Variants in COL12A1 observed in about 807,000 individuals in gnomAD.
COL12A1 encodes collagen type XII alpha 1 chain, also known as collagen alpha-1(XII) chain.
Under a neutral mutation model 349.7 loss-of-function variants are expected in COL12A1, and 114 were observed. The ratio of observed to expected loss-of-function variants is 0.33; its 90% CI spans 0.28 to 0.38. COL12A1 has a LOEUF of 0.38. Ranked by LOEUF, COL12A1 falls within the 10% of genes least tolerant of loss-of-function variation. The pLI is 1.00. For synonymous variants in COL12A1, 1,369 were observed against 1,329.0 expected (o/e 1.03, Z -0.66); for missense variants, 3,284 against 3,756.9 (o/e 0.87, Z 3.29).
intron 37 of COL12A1, among the ~76,000 whole-genome samples, chr6:75,128,729 T>C (rs1383717583): frequency 6.6e-6 from 1 of 152,208 alleles, no homozygotes; most frequent in East Asian, 1.9e-4. Context: ...AACACCTTAC[T>C]GAGTATTCCA....
At chr6:75,097,348 A>T in intron 58 of COL12A1, 42 bp from the exon 59 acceptor site, 5 of 1,544,984 alleles carry the variant, frequency 3.2e-6, no homozygotes, top group Non-Finnish European at 4.5e-6. Flanking sequence ...GGAGGTCATA[A>T]GCAAGTGAAA....
At chr6:75,120,471 G>T (rs563469853) in intron 44 of COL12A1, among the ~76,000 whole-genome samples, 1 of 152,130 alleles carries the variant, frequency 6.6e-6, no homozygotes, top group Non-Finnish European at 1.5e-5. Flanking sequence ...GAAAAGGAGA[G>T]AATTGTTTTT....
intron 23 of COL12A1, 120 bp downstream of exon 23, chr6:75,147,555 G>T: frequency 3.0e-6 from 3 of 1,014,072 alleles, no homozygotes; most frequent in Non-Finnish European, 4.3e-6. Context: ...ATGACACTCA[G>T]TAAATATTTA....
chr6:75,128,456 A>C, intron 37 of COL12A1, 31 bp from the exon 38 acceptor site: 1 of 1,522,040 alleles, frequency 6.6e-7, no homozygotes, highest in Non-Finnish European at 8.8e-7. Flanking sequence ...TAAATATATT[A>C]CCATCTAGAA....
chr6:75,096,874 C>G (rs1484653905), intron 59 of COL12A1, among the ~76,000 whole-genome samples: 1 of 117,066 alleles, frequency 8.5e-6, no homozygotes, highest in South Asian at 2.9e-4. Flanking sequence ...CCAGCCTGGG[C>G]GACAGAGCGA....
chr6:75,120,054 G>C (rs1769278638), intron 44 of COL12A1, among the ~76,000 whole-genome samples: 1 of 152,020 alleles, frequency 6.6e-6, no homozygotes, highest in Admixed American at 6.6e-5. Context: ...AGTAAAATGA[G>C]GATAACTATA....
At chr6:75,126,535 T>C in intron 38 of COL12A1, 65 bp from the exon 39 acceptor site, 1 of 1,522,612 alleles carries the variant, frequency 6.6e-7, no homozygotes, top group Non-Finnish European at 8.9e-7. Flanking sequence ...CACAAAACTT[T>C]AAAAGTATCG....
At chr6:75,091,293 T>C (rs192087820) in intron 62 of COL12A1, 30 bp downstream of exon 62, 17 of 1,585,390 alleles carry the variant, frequency 1.1e-5, no homozygotes, top group Non-Finnish European at 1.4e-5. Context: ...TTTAAAACAA[T>C]TCATACAGTA....
At chr6:75,166,186 C>A (rs998706084) in intron 13 of COL12A1, among the ~76,000 whole-genome samples, 11 of 152,256 alleles carry the variant, frequency 7.2e-5, no homozygotes, top group Admixed American at 5.2e-4. Flanking sequence ...TATTTCCTTA[C>A]CATGATCTTT....
intron 51 of COL12A1, among the ~76,000 whole-genome samples, chr6:75,111,174 A>G (rs929883420): frequency 6.6e-6 from 1 of 151,928 alleles, no homozygotes; most frequent in African/African-American, 2.4e-5. Flanking sequence ...GCTGTTTAAA[A>G]AGAAAGAACG....
intron 51 of COL12A1, among the ~76,000 whole-genome samples, chr6:75,109,622 T>C (rs1194844752): frequency 1.3e-5 from 2 of 152,096 alleles, no homozygotes; most frequent in Non-Finnish European, 2.9e-5. Context: ...GCAGAAATAA[T>C]CTGCATACCA....
chr6:75,182,398 C>T (rs1242914154), intron 10 of COL12A1, among the ~76,000 whole-genome samples: 1 of 151,886 alleles, frequency 6.6e-6, no homozygotes, highest in Non-Finnish European at 1.5e-5. Context: ...TGTGTGATGC[C>T]GCCACCCCTG....
At chr6:75,153,832 C>A (rs1190985210) in intron 17 of COL12A1, among the ~76,000 whole-genome samples, 1 of 152,034 alleles carries the variant, frequency 6.6e-6, no homozygotes, top group African/African-American at 2.4e-5. Flanking sequence ...GCTTATGTTA[C>A]CATTTTCCTT....
intron 38 of COL12A1, among the ~76,000 whole-genome samples, chr6:75,126,751 G>T (rs1284301256): frequency 6.6e-6 from 1 of 152,066 alleles, no homozygotes; most frequent in Non-Finnish European, 1.5e-5. Flanking sequence ...TATGACTCAG[G>T]ATTATAGAAA....
At chr6:75,145,602 T>A (rs1767137178) in intron 24 of COL12A1, 147 bp from the exon 25 acceptor site, 1 of 741,534 alleles carries the variant, frequency 1.3e-6, no homozygotes, top group Non-Finnish European at 1.9e-6. Flanking sequence ...TTTTCCATGC[T>A]GATGTTTTCT....
chr6:75,122,375 G>A (rs781372133), intron 43 of COL12A1, among the ~76,000 whole-genome samples: 6 of 152,132 alleles, frequency 3.9e-5, no homozygotes, highest in Admixed American at 1.3e-4. Context: ...TGTAACAAAC[G>A]TACCACTCAG....
chr6:75,159,766 T>C (rs1767941553), intron 14 of COL12A1, among the ~76,000 whole-genome samples: 1 of 151,672 alleles, frequency 6.6e-6, no homozygotes, highest in African/African-American at 2.4e-5. Context: ...AGTTAAATCT[T>C]ATGAATGTTG....
At chr6:75,088,052 A>G (rs1767589035) in intron 64 of COL12A1, among the ~76,000 whole-genome samples, 1 of 152,196 alleles carries the variant, frequency 6.6e-6, no homozygotes, top group South Asian at 2.1e-4. Context: ...CAGAGAAAAG[A>G]GCACCTGAAG....
At position 75,130,961 on chromosome 6, in the gene COL12A1, C is replaced by T. The variant is rs747059027; in HGVS notation, c.5958G>A (p.Thr1986=). 5.0e-6 allele frequency: 8 copies of T among 1,614,008 alleles called. No individual in the cohort carries two copies. Among genetic ancestry groups the T allele is most frequent in the South Asian group, 2.2e-5 (2 of 91,084 alleles). Residue 1986 remains threonine, a synonymous_variant, in exon 36 of 66, where the codon ACG becomes ACA. Transcript: ENST00000322507. ...TCAGCCGCTCCAGATGCACCATGCGCGTGTTTCCTGGCACTACTATCTGCA... is the reference window on the plus strand; with the variant it reads ...TCAGCCGCTCCAGATGCACCATGCGTGTGTTTCCTGGCACTACTATCTGCA... ...PSESIVVPGN[T]RMVHLERLIP...
Sources: gnomAD v4.1 joint callset for allele counts (sites outside exome capture counted in the v4.1 genomes callset) on GRCh38, gnomAD v4.1.1 for gene constraint, MANE v1.5 for transcripts, NCBI Gene and HGNC (gene_info 2026-07-23, HGNC 2026-07-21) for gene names.